SRBD1: variants seen among roughly 807,000 people sequenced by gnomAD.
SRBD1 encodes the protein S1 RNA binding domain 1, also known as S1 RNA-binding domain-containing protein 1.
Under a neutral mutation model 115.3 loss-of-function variants are expected in SRBD1, and 88 were observed. The ratio of observed to expected loss-of-function variants is 0.76; its 90% CI spans 0.64 to 0.91. The LOEUF is 0.91. Among genes scored for constraint, SRBD1 ranks in the 40% least tolerant of loss-of-function variants. The probability of loss-of-function intolerance (pLI) is 0.00; values close to 1 mark genes in which losing one functional copy is unlikely to be tolerated. For missense variants in SRBD1, 1,385 were observed against 1,177.4 expected (o/e 1.18, Z -2.58); for synonymous variants, 509 against 407.7 (o/e 1.25, Z -2.99).
chr2:45,519,875 T>G (rs1671230106), intron 14 of SRBD1, among the ~76,000 whole-genome samples: 1 of 152,146 alleles, frequency 6.6e-6, no homozygotes, highest in Non-Finnish European at 1.5e-5. Flanking sequence ...CTATTTATTA[T>G]TATTCCCATT....
At chr2:45,564,619 AT>A (rs927534408) in intron 9 of SRBD1, among the ~76,000 whole-genome samples, 165 of 152,258 alleles carry the variant, frequency 1.1e-3, no homozygotes, top group African/African-American at 3.6e-3. Context: ...TCTGAAAATA[AT>A]TTTTTTTAAT....
intron 12 of SRBD1, 55 bp from the exon 13 acceptor site, chr2:45,547,667 A>G (rs1400732278): frequency 1.4e-6 from 2 of 1,455,732 alleles, no homozygotes; most frequent in Non-Finnish European, 9.4e-7. Flanking sequence ...AGTGAAACAC[A>G]TGAATGATTT....
chr2:45,488,165 G>C, intron 15 of SRBD1, 75 bp downstream of exon 15: 2 of 1,271,160 alleles, frequency 1.6e-6, no homozygotes, highest in Non-Finnish European at 2.3e-6. Flanking sequence ...TTGATATTTA[G>C]AATATTTAGC....
intron 18 of SRBD1, among the ~76,000 whole-genome samples, chr2:45,416,104 A>G (rs1667824743): frequency 6.6e-6 from 1 of 152,150 alleles, no homozygotes. Context: ...GAAGAATCAG[A>G]AAGCATGATG....
chr2:45,394,278 A>G (rs1263156526), intron 19 of SRBD1, among the ~76,000 whole-genome samples: 1 of 152,216 alleles, frequency 6.6e-6, no homozygotes, highest in Non-Finnish European at 1.5e-5. Context: ...AAGAAGAAAA[A>G]AAGAATTGAA....
In SRBD1 at chr2:45,550,831, C is replaced by T. The variant is rs188070302; in HGVS notation, c.1675+294G>A. Among the ~76,000 whole-genome samples the T allele has an allele frequency of 2.0e-5, 3 of 152,172 alleles. No homozygotes were observed. In the East Asian group the frequency reaches 5.8e-4, roughly 29 times the overall value. On this transcript the variant is annotated intron_variant, in intron 12 of 20. Coordinates refer to ENST00000263736, the MANE Select transcript of SRBD1 (RefSeq NM_018079.5). ...AAATGCATCATATATAAATGCATCACAATAATAGAATCTGATGGGGAATTA... is the reference window on the plus strand; with the variant it reads ...AAATGCATCATATATAAATGCATCATAATAATAGAATCTGATGGGGAATTA...
At chr2:45,452,807 G>C (rs1669034419) in intron 16 of SRBD1, among the ~76,000 whole-genome samples, 1 of 151,814 alleles carries the variant, frequency 6.6e-6, no homozygotes, top group African/African-American at 2.4e-5. Context: ...GGCGTAAGTT[G>C]GTTACCAGTT....
intron 14 of SRBD1, among the ~76,000 whole-genome samples, chr2:45,497,775 G>A (rs146198077): frequency 0.017 from 2,540 of 151,688 alleles, 66 homozygotes; most frequent in African/African-American, 0.058. Context: ...GGTGGCTCAC[G>A]CCTGTAATCT....
chr2:45,607,479 G>C (rs1050908906), intron 1 of SRBD1, among the ~76,000 whole-genome samples: 1 of 152,094 alleles, frequency 6.6e-6, no homozygotes, highest in Non-Finnish European at 1.5e-5. Flanking sequence ...ACTATTGAGG[G>C]GAGATGGGGA....
chr2:45,568,619 G>T (rs959822629), intron 9 of SRBD1, among the ~76,000 whole-genome samples: 1 of 152,082 alleles, frequency 6.6e-6, no homozygotes, highest in African/African-American at 2.4e-5. Flanking sequence ...CTTAAATTCA[G>T]TCACTAACTC....
At chr2:45,514,422 T>C (rs539057720) in intron 14 of SRBD1, among the ~76,000 whole-genome samples, 4 of 151,782 alleles carry the variant, frequency 2.6e-5, no homozygotes, top group South Asian at 4.2e-4. Context: ...TCAAAAAAAA[T>C]ATGAAAAATA....
chr2:45,538,179 C>A (rs921569331), intron 14 of SRBD1, among the ~76,000 whole-genome samples: 4 of 152,220 alleles, frequency 2.6e-5, no homozygotes, highest in Admixed American at 1.3e-4. Context: ...AGCTTCCTTG[C>A]AAGGGAAATC....
intron 16 of SRBD1, among the ~76,000 whole-genome samples, chr2:45,451,619 G>A (rs1301601940): frequency 6.6e-6 from 1 of 150,420 alleles, no homozygotes; most frequent in Non-Finnish European, 1.5e-5. Flanking sequence ...AGATTAATCA[G>A]AAAATAGAAT....
At chr2:45,490,436 GC>G (rs1282688944) in intron 14 of SRBD1, among the ~76,000 whole-genome samples, 1 of 152,030 alleles carries the variant, frequency 6.6e-6, no homozygotes, top group Non-Finnish European at 1.5e-5. Context: ...AGAATATTTA[GC>G]CACCACCTAT....
intron 4 of SRBD1, among the ~76,000 whole-genome samples, chr2:45,590,917 T>G (rs1673701376): frequency 6.6e-6 from 1 of 151,406 alleles, no homozygotes. Context: ...CTCAGGAGAC[T>G]GAGACAGGGG....
At chr2:45,437,119 A>G (rs1319032693) in intron 16 of SRBD1, among the ~76,000 whole-genome samples, 2 of 152,158 alleles carry the variant, frequency 1.3e-5, no homozygotes, top group African/African-American at 4.8e-5. Context: ...CAAAGAACTA[A>G]GAGGAGAGAT....
intron 9 of SRBD1, among the ~76,000 whole-genome samples, chr2:45,571,035 G>A (rs1672989764): frequency 6.6e-6 from 1 of 152,108 alleles, no homozygotes; most frequent in Non-Finnish European, 1.5e-5. Context: ...GGGAAAAGGG[G>A]CTTTTTAAAA....
intron 16 of SRBD1, among the ~76,000 whole-genome samples, chr2:45,455,388 A>C (rs1313448351): frequency 6.6e-6 from 1 of 151,914 alleles, no homozygotes. Flanking sequence ...ATTTAGGAAT[A>C]GAGTTTTTAG....
chr2:45,599,328 C>T, intron 4 of SRBD1, 121 bp downstream of exon 4: 1 of 1,384,756 alleles, frequency 7.2e-7, no homozygotes, highest in African/African-American at 1.5e-5. Flanking sequence ...CCAGAAATCA[C>T]TGGCAAAACT....
Sources: gnomAD v4.1 joint callset for allele counts (sites outside exome capture counted in the v4.1 genomes callset) on GRCh38, gnomAD v4.1.1 for gene constraint, MANE v1.5 for transcripts, NCBI Gene and HGNC (gene_info 2026-07-23, HGNC 2026-07-21) for gene names.